The following MAP2K5 variants were observed in gnomAD, a reference collection of about 807,000 sequenced individuals.
MAP2K5 encodes mitogen-activated protein kinase kinase 5, also known as dual specificity mitogen-activated protein kinase kinase 5.
Under a neutral mutation model 83.1 loss-of-function variants are expected in MAP2K5, and 49 were observed. The ratio of observed to expected loss-of-function variants is 0.59; its 90% CI spans 0.47 to 0.75. The LOEUF (loss-of-function observed/expected upper bound fraction) is 0.75. MAP2K5 is among the 30% of genes least tolerant of loss of function. The probability of loss-of-function intolerance (pLI) is 0.00; values close to 1 mark genes in which losing one functional copy is unlikely to be tolerated. For synonymous variants in MAP2K5, 202 were observed against 191.8 expected (o/e 1.05, Z -0.44); for missense variants, 457 against 557.5 (o/e 0.82, Z 1.82).
intron 7 of MAP2K5, among the ~76,000 whole-genome samples, chr15:67,595,585 TAATTG>T (rs905774572): frequency 6.6e-6 from 1 of 152,234 alleles, no homozygotes; most frequent in Non-Finnish European, 1.5e-5. Context: ...TGTTGATCCA[TAATTG>T]AATTCCATTT....
At position 67,543,654 on chromosome 15, in the gene MAP2K5, A is replaced by G. The variant is rs1295347889; in HGVS notation, c.135+184A>G. ...AACCACTAAAACCTGGCAAATGTCT[A>G]GGACCCTGGGGAGATAGATCAATCT... On this transcript the variant is annotated intron_variant, in intron 1 of 21. Transcript: ENST00000178640. This position sits in a 1 kb window ranked among gnomAD's most constrained non-coding sequence, Gnocchi z 4.3. Among the ~76,000 whole-genome samples the G allele has an allele frequency of 1.3e-5, 2 of 152,204 alleles. No homozygotes were observed. The highest frequency in any genetic ancestry group is 2.9e-5 in the Non-Finnish European group (2 of 68,022).
At position 67,769,031 on chromosome 15, in the gene MAP2K5, G is replaced by A. The variant is rs923697715; in HGVS notation, c.1135-571G>A. On this transcript the variant is annotated intron_variant, in intron 19 of 21. Coordinates refer to ENST00000178640, the MANE Select transcript of MAP2K5 (RefSeq NM_145160.3). The surrounding 1 kb of genome is among the most constrained non-coding windows in gnomAD (Gnocchi z 5.2). ...ATTCACTGGCTTTCTCATATGAGGAGTCTGCCTAGACTGGCAAATAGGCTG... is the reference window on the plus strand; with the variant it reads ...ATTCACTGGCTTTCTCATATGAGGAATCTGCCTAGACTGGCAAATAGGCTG... Among the ~76,000 whole-genome samples, 1 of 151,976 alleles carries A rather than the reference G, an allele frequency of 6.6e-6. No homozygotes were observed. The highest frequency in any genetic ancestry group is 2.4e-5 in the African/African-American group (1 of 41,370).
rs2088087008 is a variant in MAP2K5, at chr15:67,690,708, A to G, written c.848-1771A>G. Among the ~76,000 whole-genome samples the G allele has an allele frequency of 6.6e-6, 1 of 151,848 alleles. No homozygotes were observed. The highest frequency in any genetic ancestry group is 2.1e-4 in the South Asian group (1 of 4,800). ...GCCACCACGCCCGGCTAATTTTTGT[A>G]TTTTTAGTAGAGATGAGGTTTTGCC... On this transcript the variant is annotated intron_variant, in intron 13 of 21. Coordinates refer to ENST00000178640, the MANE Select transcript of MAP2K5 (RefSeq NM_145160.3). The surrounding 1 kb of genome is among the most constrained non-coding windows in gnomAD (Gnocchi z 4.3).
intron 13 of MAP2K5, among the ~76,000 whole-genome samples, chr15:67,675,827 CAG>C (rs758009392): frequency 9.2e-5 from 14 of 152,138 alleles, no homozygotes; most frequent in South Asian, 2.1e-4. Context: ...TGATCATAGG[CAG>C]AGTCATCCCT....
intron 21 of MAP2K5, among the ~76,000 whole-genome samples, chr15:67,773,082 A>AT (rs2090172218): frequency 6.6e-6 from 1 of 152,180 alleles, no homozygotes; most frequent in African/African-American, 2.4e-5. Context: ...CATCAGTGCA[A>AT]TAAGTTTTTA....
intron 15 of MAP2K5, among the ~76,000 whole-genome samples, chr15:67,696,075 A>G (rs66482647): frequency 0.14 from 20,824 of 150,640 alleles, 1,543 homozygotes; most frequent in East Asian, 0.22. Context: ...TAGTACAGGT[A>G]TGAATCCCTG....
At chr15:67,675,589 G>A (rs2087657724) in intron 13 of MAP2K5, among the ~76,000 whole-genome samples, 1 of 152,180 alleles carries the variant, frequency 6.6e-6, no homozygotes, top group African/African-American at 2.4e-5. Flanking sequence ...AGGGGAAACT[G>A]GGTGGAGTGT....
intron 9 of MAP2K5, among the ~76,000 whole-genome samples, chr15:67,632,254 A>G (rs1236228348): frequency 6.6e-6 from 1 of 151,844 alleles, no homozygotes; most frequent in African/African-American, 2.4e-5. Context: ...GTGCATCACC[A>G]TGCCTTGCTA....
chr15:67,668,462 A>G lies in MAP2K5; in HGVS notation c.847+3817A>G, dbSNP rs976154790. Among the ~76,000 whole-genome samples, 16 of 152,196 alleles carry G rather than the reference A, an allele frequency of 1.1e-4. No homozygotes were observed. Among genetic ancestry groups the G allele is most frequent in the Non-Finnish European group, 1.2e-4 (8 of 68,038 alleles). On this transcript the variant is annotated intron_variant, in intron 13 of 21. Coordinates refer to ENST00000178640, the MANE Select transcript of MAP2K5 (RefSeq NM_145160.3). This position sits in a 1 kb window ranked among gnomAD's most constrained non-coding sequence, Gnocchi z 4.0. ...ACTATAAGCATAGCATGTGCTGACT[A>G]TGGGTAAAAACAAAGAAAATGAACA...
chr15:67,764,164 C>A lies in MAP2K5; in HGVS notation c.1135-5438C>A, dbSNP rs1448178853. ...CCACAGTACAGCTGACCTCAGAATTCACCAGTGCAGCCAACACCTTGAGAT... is the reference window on the plus strand; with the variant it reads ...CCACAGTACAGCTGACCTCAGAATTAACCAGTGCAGCCAACACCTTGAGAT... On this transcript the variant is annotated intron_variant, in intron 19 of 21. Transcript: ENST00000178640. The surrounding 1 kb of genome is among the most constrained non-coding windows in gnomAD (Gnocchi z 4.9). 1.3e-5 allele frequency among the ~76,000 whole-genome samples: 2 copies of A among 152,210 alleles called. No individual in the cohort carries two copies. The highest frequency in any genetic ancestry group is 4.8e-5 in the African/African-American group (2 of 41,462).
chr15:67,765,232 G>A (rs551237915), intron 19 of MAP2K5, among the ~76,000 whole-genome samples: 5 of 152,180 alleles, frequency 3.3e-5, no homozygotes, highest in African/African-American at 7.2e-5. Context: ...GGTGGCGCAC[G>A]CCTGTAGTCC....
intron 2 of MAP2K5, among the ~76,000 whole-genome samples, chr15:67,556,113 T>G (rs2084618314): frequency 6.6e-6 from 1 of 152,202 alleles, no homozygotes; most frequent in South Asian, 2.1e-4. Context: ...TTCTATAAAC[T>G]ATTTGTCGTC....
intron 1 of MAP2K5, chr15:67,549,285 T>C (rs994129456): frequency 4.0e-5 from 49 of 1,236,024 alleles, no homozygotes; most frequent in South Asian, 3.4e-4. Context: ...TAGATTTATT[T>C]AAGCATTGAT....
chr15:67,691,192 TA>T (rs1010920257), intron 13 of MAP2K5, among the ~76,000 whole-genome samples: 2 of 152,152 alleles, frequency 1.3e-5, no homozygotes, highest in African/African-American at 4.8e-5. Context: ...GCACTTGAAA[TA>T]TATCTGGCAC....
rs566333001 is a variant in MAP2K5 at position 67,636,407 on chromosome 15, CAA to C, written c.585+5494_585+5495del. Among the ~76,000 whole-genome samples the C allele has an allele frequency of 1.1e-3, 125 of 109,344 alleles. No homozygotes were observed. The highest frequency in any genetic ancestry group is 4.0e-3 in the African/African-American group (114 of 28,704). The allele number at this position is 109,344 out of a possible 152,430, so 71.7% of individuals were successfully genotyped here. ...TGGGCAACAGAATAAGACTCCGTCTCAAAAAAAAAAAAAAAGTATGAAATATA... is the reference window on the plus strand; with the variant it reads ...TGGGCAACAGAATAAGACTCCGTCTCAAAAAAAAAAAAAGTATGAAATATA... On this transcript the variant is annotated intron_variant, in intron 9 of 21. Transcript: ENST00000178640. This position sits in a 1 kb window ranked among gnomAD's most constrained non-coding sequence, Gnocchi z 4.7.
Position 67,757,998 on chromosome 15 carries a change from G to A in MAP2K5, c.1134+9397G>A, listed in dbSNP as rs1477473034. 2.0e-5 allele frequency among the ~76,000 whole-genome samples: 3 copies of A among 151,966 alleles called. No homozygotes were observed. The highest frequency in any genetic ancestry group is 4.4e-5 in the Non-Finnish European group (3 of 67,986). On this transcript the variant is annotated intron_variant, in intron 19 of 21. Coordinates refer to ENST00000178640, the MANE Select transcript of MAP2K5 (RefSeq NM_145160.3). The surrounding 1 kb of genome is among the most constrained non-coding windows in gnomAD (Gnocchi z 4.9). ...GAGTTCAGTATGGCTGGGGTGTTTG[G>A]GCAAGTATTATGAGATATAAACCAA...
chr15:67,568,481 G>A (rs938738883), intron 3 of MAP2K5, among the ~76,000 whole-genome samples: 2 of 152,070 alleles, frequency 1.3e-5, no homozygotes, highest in South Asian at 2.1e-4. Context: ...GGACATTGAG[G>A]CCCACAGAGA....
chr15:67,552,327 T>C lies in MAP2K5; in HGVS notation c.184+2245T>C, dbSNP rs2084527128. Among the ~76,000 whole-genome samples the C allele has an allele frequency of 6.6e-6, 1 of 152,230 alleles. No individual in the cohort carries two copies. Among genetic ancestry groups the C allele is most frequent in the African/African-American group, 2.4e-5 (1 of 41,462 alleles). ...CTCCTTGCAGGTTCCACGGGTTTCA[T>C]GGACAGTCTGATAGTTAACATTCGG... is the stretch of plus-strand genomic sequence containing the variant. On this transcript the variant is annotated intron_variant, in intron 2 of 21. Transcript: ENST00000178640. The surrounding 1 kb of genome is among the most constrained non-coding windows in gnomAD (Gnocchi z 4.2).
rs1012011218 is a variant in MAP2K5, at chr15:67,747,599, T to C, written c.1075-632T>C. On this transcript the variant is annotated intron_variant, in intron 17 of 21. Transcript: ENST00000178640. The surrounding 1 kb of genome is among the most constrained non-coding windows in gnomAD (Gnocchi z 4.1). ...TCAGAAATGCGCTCTTACTGGACTC[T>C]GCATTTATTCCCTAAAAATCAGTGT... is the stretch of plus-strand genomic sequence containing the variant. Among the ~76,000 whole-genome samples, 2 of 152,226 alleles carry C rather than the reference T, an allele frequency of 1.3e-5. No homozygotes were observed. The highest frequency in any genetic ancestry group is 2.9e-5 in the Non-Finnish European group (2 of 68,038).
Sources: gnomAD v4.1 joint callset for allele counts (sites outside exome capture counted in the v4.1 genomes callset) on GRCh38, gnomAD v4.1.1 for gene constraint, Gnocchi (gnomAD v3.1) non-coding constraint, MANE v1.5 for transcripts, NCBI Gene and HGNC (gene_info 2026-07-23, HGNC 2026-07-21) for gene names.